The following LUZP2 variants were observed in gnomAD, a reference collection of about 807,000 sequenced individuals.
The protein encoded by LUZP2 is leucine zipper protein 2.
LUZP2 carries 52 observed loss-of-function variants against 51.6 expected under a neutral mutation model. That is an observed-to-expected ratio of 1.01 (90% CI 0.81 to 1.27). The LOEUF (loss-of-function observed/expected upper bound fraction) is 1.27, where lower values mean the gene tolerates loss of function less well. Among genes scored for constraint, LUZP2 ranks in the 50% most tolerant of loss-of-function variants. The probability of loss-of-function intolerance (pLI) is 0.00; values close to 1 mark genes in which losing one functional copy is unlikely to be tolerated. For synonymous variants in LUZP2, 154 were observed against 137.3 expected, an observed-to-expected ratio of 1.12 and a Z score of -0.85; for missense variants, 436 against 395.4, an observed-to-expected ratio of 1.10 and a Z score of -0.87.
intron 9 of LUZP2, among the ~76,000 whole-genome samples, chr11:25,038,644 A>G (rs1324072407): frequency 2.0e-5 from 3 of 152,210 alleles, no homozygotes; most frequent in Non-Finnish European, 4.4e-5. Flanking sequence ...ATTCCAGTCT[A>G]TCATTTCAGA....
intron 4 of LUZP2, among the ~76,000 whole-genome samples, chr11:24,750,630 G>C (rs537867886): frequency 6.6e-6 from 1 of 152,058 alleles, no homozygotes; most frequent in Non-Finnish European, 1.5e-5. Context: ...CTCAAGAAGG[G>C]TATTTAAATA....
chr11:24,856,806 T>C (rs1851580664), intron 5 of LUZP2, among the ~76,000 whole-genome samples: 1 of 152,044 alleles, frequency 6.6e-6, no homozygotes, highest in Admixed American at 6.6e-5. Flanking sequence ...TTAATGGAAC[T>C]AGAGGCCATT....
intron 1 of LUZP2, among the ~76,000 whole-genome samples, chr11:24,528,847 G>A (rs1184630476): frequency 1.3e-5 from 2 of 151,124 alleles, no homozygotes; most frequent in African/African-American, 2.4e-5. Context: ...ATTCATAATT[G>A]CTATCAGTAT....
intron 1 of LUZP2, among the ~76,000 whole-genome samples, chr11:24,584,977 G>C (rs1319651522): frequency 2.0e-5 from 3 of 152,170 alleles, no homozygotes; most frequent in Non-Finnish European, 4.4e-5. Context: ...TGAAAGCTCT[G>C]TGAAGTAGAT....
intron 1 of LUZP2, among the ~76,000 whole-genome samples, chr11:24,566,603 TATGTATGTATGTATAG>T (rs1189650629): frequency 8.7e-6 from 1 of 115,242 alleles, no homozygotes; most frequent in African/African-American, 3.7e-5. Flanking sequence ...TGTATATATA[TATGTATGTATGTATAG>T]ATATACACAC....
At chr11:24,663,572 A>T (rs1856097302) in intron 1 of LUZP2, among the ~76,000 whole-genome samples, 1 of 152,172 alleles carries the variant, frequency 6.6e-6, no homozygotes, top group Non-Finnish European at 1.5e-5. Flanking sequence ...AATGCATTTT[A>T]CAATTTTTAA....
chr11:24,823,643 A>G (rs948240549), intron 5 of LUZP2, among the ~76,000 whole-genome samples: 3 of 152,342 alleles, frequency 2.0e-5, no homozygotes, highest in African/African-American at 4.8e-5. Flanking sequence ...GCCTTAGGCT[A>G]TGCCAGCAAT....
At chr11:24,722,413 C>T (rs1475165002) in intron 1 of LUZP2, among the ~76,000 whole-genome samples, 2 of 152,000 alleles carry the variant, frequency 1.3e-5, no homozygotes, top group Non-Finnish European at 2.9e-5. Flanking sequence ...AGAAAGAGAT[C>T]CATCAGATCT....
intron 5 of LUZP2, among the ~76,000 whole-genome samples, chr11:24,847,659 A>T (rs1166426997): frequency 6.6e-6 from 1 of 152,036 alleles, no homozygotes; most frequent in African/African-American, 2.4e-5. Flanking sequence ...TGGAGGGGGG[A>T]AACAAATATC....
At chr11:24,977,344 G>A (rs1855908404) in intron 8 of LUZP2, among the ~76,000 whole-genome samples, 1 of 151,492 alleles carries the variant, frequency 6.6e-6, no homozygotes, top group Admixed American at 6.6e-5. Flanking sequence ...ATATTTAACA[G>A]TTGTTTAAAT....
At chr11:24,667,759 A>T (rs1400123868) in intron 1 of LUZP2, among the ~76,000 whole-genome samples, 1 of 152,212 alleles carries the variant, frequency 6.6e-6, no homozygotes, top group Non-Finnish European at 1.5e-5. Context: ...ACAGAATTTT[A>T]TGGACTCTTG....
intron 7 of LUZP2, among the ~76,000 whole-genome samples, chr11:24,973,000 G>A (rs183639464): frequency 6.7e-6 from 1 of 149,926 alleles, no homozygotes; most frequent in East Asian, 2.0e-4. Context: ...AGTAGAAATA[G>A]TACCAGCTCT....
intron 1 of LUZP2, among the ~76,000 whole-genome samples, chr11:24,617,605 G>A (rs1854331992): frequency 6.6e-6 from 1 of 152,142 alleles, no homozygotes; most frequent in Non-Finnish European, 1.5e-5. Context: ...CAGATTGCCT[G>A]AGCTCAGGAG....
At chr11:25,032,093 C>T (rs1383031346) in intron 9 of LUZP2, among the ~76,000 whole-genome samples, 1 of 152,046 alleles carries the variant, frequency 6.6e-6, no homozygotes, top group Non-Finnish European at 1.5e-5. Flanking sequence ...AGGAAAGAAG[C>T]CATAAGCCAA....
intron 5 of LUZP2, among the ~76,000 whole-genome samples, chr11:24,791,934 C>T (rs1288154605): frequency 3.4e-5 from 5 of 147,992 alleles, no homozygotes. Flanking sequence ...TCCATTTGCT[C>T]AGGCCCTTTT....
chr11:24,599,659 CT>C (rs1853555547), intron 1 of LUZP2, among the ~76,000 whole-genome samples: 1 of 152,034 alleles, frequency 6.6e-6, no homozygotes, highest in African/African-American at 2.4e-5. Context: ...TGTTTATTGT[CT>C]TTTCTTTCTC....
chr11:24,751,926 A>T (rs1590451413), intron 4 of LUZP2, among the ~76,000 whole-genome samples: 1 of 152,252 alleles, frequency 6.6e-6, no homozygotes, highest in East Asian at 1.9e-4. Flanking sequence ...ATCATAAAAA[A>T]ACTACTTGAT....
intron 5 of LUZP2, among the ~76,000 whole-genome samples, chr11:24,885,170 G>T (rs1416157530): frequency 6.6e-6 from 1 of 152,050 alleles, no homozygotes; most frequent in Non-Finnish European, 1.5e-5. Context: ...CTTGCCTGCA[G>T]TCTACTAAAA....
intron 1 of LUZP2, among the ~76,000 whole-genome samples, chr11:24,520,142 T>C (rs565729791): frequency 2.0e-5 from 3 of 152,326 alleles, no homozygotes; most frequent in South Asian, 2.1e-4. Context: ...ATTTTGAAGA[T>C]TGACCTGTGT....
Sources: gnomAD v4.1 joint callset for allele counts (sites outside exome capture counted in the v4.1 genomes callset) on GRCh38, gnomAD v4.1.1 for gene constraint, MANE v1.5 for transcripts, NCBI Gene and HGNC (gene_info 2026-07-23, HGNC 2026-07-21) for gene names.